Variants in CLIC4 observed in about 807,000 individuals in gnomAD.
CLIC4 encodes the protein CLIC family member 4.
In CLIC4, 13 loss-of-function variants were observed where a neutral mutation model predicts 24.6. The ratio of observed to expected loss-of-function variants is 0.53; its 90% CI spans 0.34 to 0.84. The LOEUF is 0.84. Among genes scored for constraint, CLIC4 ranks in the 40% least tolerant of loss-of-function variants. CLIC4 has a pLI of 0.01. For missense variants in CLIC4, 227 were observed against 301.7 expected, an observed-to-expected ratio of 0.75 and a Z score of 1.83; for synonymous variants, 104 against 111.3, an observed-to-expected ratio of 0.93 and a Z score of 0.41.
chr1:24,778,481 A>G (rs1639167094), intron 1 of CLIC4, among the ~76,000 whole-genome samples: 1 of 152,184 alleles, frequency 6.6e-6, no homozygotes, highest in Non-Finnish European at 1.5e-5. Context: ...AGGGAATATA[A>G]TCAAGGTAGA....
At position 24,783,324 on chromosome 1, in the gene CLIC4, G is replaced by C. The variant is rs528984908; in HGVS notation, c.73-14418G>C. Among the ~76,000 whole-genome samples the C allele has an allele frequency of 2.6e-5, 4 of 152,212 alleles. No homozygotes were observed. The South Asian group carries it at 8.3e-4, about 32-fold the overall frequency. On this transcript the variant is annotated intron_variant, in intron 1 of 5. Coordinates refer to ENST00000374379, the MANE Select transcript of CLIC4 (RefSeq NM_013943.3). ...AAATCCAGCCTACTCTGCTAGTCAG[G>C]TATTAGCCCTGGTCCCTAACATCAC...
chr1:24,750,806 G>A lies in CLIC4; in HGVS notation c.72+5181G>A, dbSNP rs150372456. ...TGGGATAAATTAATATATGTAGTAT[G>A]CAACAATCTTAGAACAATGTCTAGT... On this transcript the variant is annotated intron_variant, in intron 1 of 5. Transcript: ENST00000374379. Among the ~76,000 whole-genome samples, 17 of 152,246 alleles carry A rather than the reference G, an allele frequency of 1.1e-4. No individual in the cohort carries two copies. The East Asian group carries it at 3.1e-3, about 28-fold the overall frequency.
intron 1 of CLIC4, among the ~76,000 whole-genome samples, chr1:24,785,270 C>T (rs953722507): frequency 2.0e-5 from 3 of 151,998 alleles, no homozygotes; most frequent in East Asian, 1.9e-4. Context: ...TTGCATGGAA[C>T]GTCTTTAAGT....
In CLIC4 at chr1:24,840,840, C is replaced by T. The variant is rs776269696; in HGVS notation, c.665C>T (p.Thr222Ile). Residue 222 changes from threonine to isoleucine, a missense_variant, in exon 6 of 6, where the codon ACT (threonine) becomes ATT (isoleucine). Thr to Ile is a moderately conservative substitution (Grantham distance 89). Transcript: ENST00000374379. ...KEMTGIWRYL[T>I]NAYSRDEFTN... is the part of the protein sequence containing the mutation. ...ATGACTGGCATCTGGAGATACCTAA[C>T]TAATGCATACAGTAGGGACGAGTTC... 3.1e-6 allele frequency: 5 copies of T among 1,612,642 alleles called. No homozygotes were observed. The highest frequency in any genetic ancestry group is 3.3e-5 in the Admixed American group (2 of 59,880).
rs1051428271 is a variant in CLIC4, at chr1:24,826,482, G to A, written c.309-528G>A. On this transcript the variant is annotated intron_variant, in intron 3 of 5. Transcript: ENST00000374379. ...GGTTGGCACTGCTGTTTGAGAAGGC[G>A]CGTGAGCTGTGCTGTCTGGTGACTA... 9.2e-5 allele frequency among the ~76,000 whole-genome samples: 14 copies of A among 152,310 alleles called. 1 individual carries two copies. The South Asian group carries it at 1.7e-3, about 18-fold the overall frequency.
At chr1:24,784,658 AGT>A (rs1639243050) in intron 1 of CLIC4, among the ~76,000 whole-genome samples, 1 of 152,200 alleles carries the variant, frequency 6.6e-6, no homozygotes, top group Non-Finnish European at 1.5e-5. Flanking sequence ...GGTGATGCTG[AGT>A]AAGGAAATGG....
At chr1:24,756,063 G>A (rs1168886172) in intron 1 of CLIC4, among the ~76,000 whole-genome samples, 1 of 148,510 alleles carries the variant, frequency 6.7e-6, no homozygotes, top group African/African-American at 2.5e-5. Flanking sequence ...GCAGTGACGC[G>A]ATCTCTGCTC....
Position 24,805,096 on chromosome 1 carries a change from A to C in CLIC4, c.182+7245A>C, listed in dbSNP as rs1201362775. 3.5e-4 allele frequency among the ~76,000 whole-genome samples: 50 copies of C among 143,136 alleles called. 2 individuals carry two copies. Among genetic ancestry groups the C allele is most frequent in the African/African-American group, 1.2e-3 (48 of 39,564 alleles). 93.9% of individuals were successfully genotyped at this position (143,136 alleles called of 152,430 possible). A position where few individuals can be genotyped will look rare whatever the true frequency, so the allele number is the denominator to read the frequency against. On this transcript the variant is annotated intron_variant, in intron 2 of 5. Coordinates refer to ENST00000374379, the MANE Select transcript of CLIC4 (RefSeq NM_013943.3). The stretch of plus-strand genomic sequence containing the variant: ...AGTGAGACTCCATGTCAAAAAAAAA[A>C]AAAAAAAAACACAAAAACAAAGACA...
intron 1 of CLIC4, among the ~76,000 whole-genome samples, chr1:24,753,687 G>C (rs972529991): frequency 1.3e-5 from 2 of 152,108 alleles, no homozygotes; most frequent in African/African-American, 4.8e-5. Context: ...ACCTAACTTG[G>C]GTTTTTGTTA....
chr1:24,787,100 T>G (rs1347509186), intron 1 of CLIC4, among the ~76,000 whole-genome samples: 1 of 152,172 alleles, frequency 6.6e-6, no homozygotes, highest in African/African-American at 2.4e-5. Flanking sequence ...TTTTTAAAAT[T>G]TTTTGTGGTG....
intron 1 of CLIC4, among the ~76,000 whole-genome samples, chr1:24,762,412 T>G (rs1638939339): frequency 6.6e-6 from 1 of 151,904 alleles, no homozygotes; most frequent in African/African-American, 2.4e-5. Flanking sequence ...GGAGTGAGAC[T>G]CTCTCTAAAG....
intron 1 of CLIC4, among the ~76,000 whole-genome samples, chr1:24,767,044 A>G (rs12730190): frequency 0.26 from 36,452 of 141,306 alleles, 5,723 homozygotes; most frequent in Non-Finnish European, 0.36. Flanking sequence ...AAAAAAAAAA[A>G]AAAAGAAAAA....
chr1:24,843,223 A>T lies in CLIC4; in HGVS notation c.*2286A>T, dbSNP rs1463078462. 6.6e-6 allele frequency: 1 copy of T among 152,186 alleles called. No homozygotes were observed. Among genetic ancestry groups the T allele is most frequent in the African/African-American group, 2.4e-5 (1 of 41,446 alleles). The allele number at this position is 152,186 out of a possible 1,614,324, so 9.4% of individuals were successfully genotyped here. The stretch of plus-strand genomic sequence containing the variant: ...TTTATCAGGGAAGTTAGTCAAATGA[A>T]ATGGAAATTGGTAAATGGACAAAAG... On this transcript the variant is annotated 3_prime_UTR_variant, in exon 6 of 6. Transcript: ENST00000374379.
Position 24,745,545 on chromosome 1 carries a change from G to A in CLIC4, c.-9G>A. On this transcript the variant is annotated 5_prime_UTR_variant, in exon 1 of 6. Transcript: ENST00000374379. ...CCCTCGCCGTTCGCGGAGCGCAGCC[G>A]AGCCGGCCATGGCGTTGTCGATGCC... is the stretch of plus-strand genomic sequence containing the variant. The A allele has an allele frequency of 1.3e-6, 2 of 1,583,046 alleles. No individual in the cohort carries two copies. The highest frequency in any genetic ancestry group is 4.7e-5 in the East Asian group (2 of 42,382).
At chr1:24,756,031 G>T (rs1448151728) in intron 1 of CLIC4, among the ~76,000 whole-genome samples, 3 of 109,758 alleles carry the variant, frequency 2.7e-5, no homozygotes, top group African/African-American at 7.3e-5. Flanking sequence ...ACGGAGTCTT[G>T]CTCTGTCGCC....
intron 4 of CLIC4, among the ~76,000 whole-genome samples, chr1:24,830,934 G>T (rs1639833887): frequency 1.3e-5 from 2 of 152,042 alleles, no homozygotes; most frequent in African/African-American, 4.8e-5. Flanking sequence ...TGTGATGATT[G>T]GTCTTGAAAA....
chr1:24,814,323 G>A, intron 3 of CLIC4, 104 bp downstream of exon 3: 1 of 1,285,106 alleles, frequency 7.8e-7, no homozygotes, highest in Non-Finnish European at 1.1e-6. Context: ...GAATGACTAG[G>A]ACTCTCTTCT....
At chr1:24,820,006 G>A (rs1479809792) in intron 3 of CLIC4, among the ~76,000 whole-genome samples, 2 of 139,864 alleles carry the variant, frequency 1.4e-5, no homozygotes, top group Non-Finnish European at 3.1e-5. Flanking sequence ...CTCCCAAAGT[G>A]CTGGGATTAC....
intron 1 of CLIC4, among the ~76,000 whole-genome samples, chr1:24,781,115 T>A (rs1639199145): frequency 6.9e-6 from 1 of 145,176 alleles, no homozygotes; most frequent in Admixed American, 7.1e-5. Context: ...AGAAAGAAAT[T>A]GAAAGGACAG....
Sources: gnomAD v4.1 joint callset for allele counts (sites outside exome capture counted in the v4.1 genomes callset) on GRCh38, gnomAD v4.1.1 for gene constraint, MANE v1.5 for transcripts, NCBI Gene and HGNC (gene_info 2026-07-23, HGNC 2026-07-21) for gene names.